MALRD1: variants seen among roughly 807,000 people sequenced by gnomAD.
MALRD1 encodes MAM and LDL receptor class A domain containing 1, also known as MAM and LDL-receptor class A domain-containing protein 1.
MALRD1 carries 247 observed loss-of-function variants against 242.1 expected under a neutral mutation model. That is an observed-to-expected ratio of 1.02 (90% CI 0.92 to 1.13). MALRD1 has a LOEUF of 1.13. Among genes scored for constraint, MALRD1 ranks in the 50% most tolerant of loss-of-function variants. The pLI is 0.00. For synonymous variants in MALRD1, 995 were observed against 866.6 expected (o/e 1.15, Z -2.60); for missense variants, 2,989 against 2,533.1 (o/e 1.18, Z -3.86).
chr10:19,281,569 G>A (rs1197783312), intron 20 of MALRD1, among the ~76,000 whole-genome samples: 4 of 152,274 alleles, frequency 2.6e-5, no homozygotes, highest in South Asian at 2.1e-4. Flanking sequence ...TTTTATTTAT[G>A]AATAAACTGA....
At chr10:19,178,754 G>A (rs1234810012) in intron 14 of MALRD1, among the ~76,000 whole-genome samples, 1 of 152,150 alleles carries the variant, frequency 6.6e-6, no homozygotes, top group Non-Finnish European at 1.5e-5. Context: ...GCCTGGTGAG[G>A]ATGCAGGTTG....
At chr10:19,402,050 C>T (rs1342260694) in intron 28 of MALRD1, among the ~76,000 whole-genome samples, 2 of 152,160 alleles carry the variant, frequency 1.3e-5, no homozygotes, top group Non-Finnish European at 2.9e-5. Context: ...ATTCTGCTCC[C>T]TCAAAACCAA....
intron 29 of MALRD1, among the ~76,000 whole-genome samples, chr10:19,488,002 A>G (rs141672611): frequency 9.9e-4 from 150 of 152,262 alleles, no homozygotes; most frequent in African/African-American, 3.4e-3. Flanking sequence ...ATTGTCAGTA[A>G]ATTACCTCCA....
chr10:19,085,622 G>A (rs1297430464), intron 2 of MALRD1, among the ~76,000 whole-genome samples: 1 of 151,772 alleles, frequency 6.6e-6, no homozygotes, highest in East Asian at 1.9e-4. Context: ...ATAATTTATA[G>A]TGCCATAACA....
chr10:19,056,878 A>T (rs1373740030), intron 1 of MALRD1, among the ~76,000 whole-genome samples: 2 of 152,168 alleles, frequency 1.3e-5, no homozygotes, highest in East Asian at 1.9e-4. Context: ...AGATTTTATT[A>T]TGAAAGGATT....
chr10:19,676,971 C>A (rs1194777732), intron 36 of MALRD1, among the ~76,000 whole-genome samples: 1 of 152,186 alleles, frequency 6.6e-6, no homozygotes, highest in African/African-American at 2.4e-5. Flanking sequence ...CCAGCTCCAT[C>A]CATGTCCCTG....
intron 13 of MALRD1, among the ~76,000 whole-genome samples, chr10:19,167,372 C>G (rs957465482): frequency 6.6e-6 from 1 of 151,846 alleles, no homozygotes; most frequent in Non-Finnish European, 1.5e-5. Flanking sequence ...AAAACAAAAA[C>G]AAAAAAGTGT....
Position 19,615,516 on chromosome 10 carries a change from C to CAAAAAAAAA in MALRD1, c.6071-330_6071-322dup, listed in dbSNP as rs530920512. Among the ~76,000 whole-genome samples, 44 of 37,218 alleles carry CAAAAAAAAA rather than the reference C, an allele frequency of 1.2e-3. 3 individuals are homozygous for CAAAAAAAAA. Among genetic ancestry groups the CAAAAAAAAA allele is most frequent in the African/African-American group, 5.8e-3 (41 of 7,066 alleles). 24.4% of individuals were successfully genotyped at this position (37,218 alleles called of 152,430 possible). Reference sequence around the variant, plus strand: ...TGAATGACAGAGCAAGACCCTGCCTCAAAAAAAAAAAAAAAAAAAGAGGAA... The same window carrying CAAAAAAAAA: ...TGAATGACAGAGCAAGACCCTGCCTCAAAAAAAAAAAAAAAAAAAAAAAAAAAAGAGGAA... On this transcript the variant is annotated intron_variant, in intron 35 of 39. Transcript: ENST00000454679.
At chr10:19,203,977 A>G in intron 15 of MALRD1, 97 bp downstream of exon 15, 5 of 1,375,424 alleles carry the variant, frequency 3.6e-6, no homozygotes, top group Non-Finnish European at 5.0e-6. Context: ...TGATAACTAC[A>G]ACAAACAGTC....
chr10:19,573,238 C>G (rs182461532), intron 33 of MALRD1, among the ~76,000 whole-genome samples: 3 of 152,168 alleles, frequency 2.0e-5, no homozygotes, highest in African/African-American at 7.2e-5. Context: ...GAAACTCTCC[C>G]TGGCCCTGGA....
chr10:19,251,730 G>C (rs931793732), intron 18 of MALRD1, among the ~76,000 whole-genome samples: 42 of 151,972 alleles, frequency 2.8e-4, no homozygotes, highest in African/African-American at 9.7e-4. Flanking sequence ...AAAGAAGTAG[G>C]TGATATGGTT....
In MALRD1 at chr10:19,414,734, G is replaced by A. The variant is rs142411326; in HGVS notation, c.4845+25125G>A. On this transcript the variant is annotated intron_variant, in intron 28 of 39. Coordinates refer to ENST00000454679, the MANE Select transcript of MALRD1 (RefSeq NM_001142308.3). ...GCTGTTGATAATCAGCACTGTAGTC[G>A]GCATCGTCTGAGGCACTGATTCCCC... 4.9e-4 allele frequency among the ~76,000 whole-genome samples: 74 copies of A among 152,086 alleles called. 1 individual carries two copies. The highest frequency in any genetic ancestry group is 1.3e-3 in the African/African-American group (56 of 41,498).
intron 38 of MALRD1, among the ~76,000 whole-genome samples, chr10:19,702,466 C>T (rs1474496701): frequency 2.0e-5 from 3 of 152,170 alleles, no homozygotes; most frequent in African/African-American, 7.2e-5. Flanking sequence ...GCAATGATGA[C>T]ATCATGTTGT....
At chr10:19,166,246 T>C (rs901335264) in intron 13 of MALRD1, among the ~76,000 whole-genome samples, 4 of 152,236 alleles carry the variant, frequency 2.6e-5, no homozygotes, top group Admixed American at 2.6e-4. Flanking sequence ...TTGCCTCACT[T>C]TCTGCTGCCT....
chr10:19,329,584 T>C (rs1236497460), intron 23 of MALRD1, among the ~76,000 whole-genome samples: 3 of 152,102 alleles, frequency 2.0e-5, no homozygotes, highest in Non-Finnish European at 4.4e-5. Context: ...CTCCATATTA[T>C]AAATTAGAAT....
At chr10:19,454,855 A>G (rs1835562524) in intron 29 of MALRD1, among the ~76,000 whole-genome samples, 1 of 152,108 alleles carries the variant, frequency 6.6e-6, no homozygotes, top group Admixed American at 6.6e-5. Flanking sequence ...TTTCTATGCA[A>G]AAACTTACAA....
At chr10:19,719,248 A>ATGTATG (rs1834625502) in intron 38 of MALRD1, among the ~76,000 whole-genome samples, 1 of 136,708 alleles carries the variant, frequency 7.3e-6, no homozygotes, top group Non-Finnish European at 1.5e-5. Context: ...ATATATATAT[A>ATGTATG]TATATATATA....
chr10:19,592,761 A>G (rs3069578), intron 33 of MALRD1, among the ~76,000 whole-genome samples: 75,536 of 132,716 alleles, frequency 0.57, 19,113 homozygotes, highest in Non-Finnish European at 0.58. Flanking sequence ...ACACACACAC[A>G]CGCACGCACA....
intron 1 of MALRD1, among the ~76,000 whole-genome samples, chr10:19,057,004 A>G (rs1256511074): frequency 6.6e-6 from 1 of 152,052 alleles, no homozygotes; most frequent in African/African-American, 2.4e-5. Flanking sequence ...AACCATACTT[A>G]CAGTCCTGAG....
Sources: gnomAD v4.1 joint callset for allele counts (sites outside exome capture counted in the v4.1 genomes callset) on GRCh38, gnomAD v4.1.1 for gene constraint, MANE v1.5 for transcripts, NCBI Gene and HGNC (gene_info 2026-07-23, HGNC 2026-07-21) for gene names.